CENPK: variants seen among roughly 807,000 people sequenced by gnomAD.
The protein encoded by CENPK is SoxLZ/Sox6-binding protein Solt.
Under a neutral mutation model 40.9 loss-of-function variants are expected in CENPK, and 46 were observed. That is an observed-to-expected ratio of 1.13 (90% CI 0.89 to 1.44). The LOEUF (loss-of-function observed/expected upper bound fraction) is 1.44. CENPK is among the 40% of genes most tolerant of loss of function. CENPK has a pLI of 0.00. For synonymous variants in CENPK, 107 were observed against 104.4 expected, an observed-to-expected ratio of 1.02 and a Z score of -0.15; for missense variants, 288 against 303.5, an observed-to-expected ratio of 0.95 and a Z score of 0.38.
At chr5:65,559,858 A>T (rs1030497597) in intron 2 of CENPK, among the ~76,000 whole-genome samples, 1 of 152,076 alleles carries the variant, frequency 6.6e-6, no homozygotes, top group African/African-American at 2.4e-5. Flanking sequence ...AAGGCAAATC[A>T]AGGAGAAAAA....
chr5:65,551,751 C>A, intron 4 of CENPK, 115 bp from the exon 5 acceptor site: 1 of 488,612 alleles, frequency 2.0e-6, no homozygotes, highest in South Asian at 4.8e-5. Context: ...ATCCCTAACT[C>A]TCACGCTGCT....
At chr5:65,531,858 C>T (rs1172449563) in intron 6 of CENPK, among the ~76,000 whole-genome samples, 1 of 151,818 alleles carries the variant, frequency 6.6e-6, no homozygotes, top group Non-Finnish European at 1.5e-5. Context: ...CAGCTTCTAT[C>T]ATAAGAAATA....
At chr5:65,512,975 TTC>T (rs1434439655), downstream of CENPK, among the ~76,000 whole-genome samples, 1 of 152,164 alleles carries the variant, frequency 6.6e-6, no homozygotes, top group African/African-American at 2.4e-5. Context: ...TCTATATATC[TTC>T]TTTTGTGAGG....
At chr5:65,553,161 G>C (rs1315100913) in intron 3 of CENPK, among the ~76,000 whole-genome samples, 9 of 152,022 alleles carry the variant, frequency 5.9e-5, no homozygotes. Context: ...ATAATATAAA[G>C]TACCAAGTAT....
At chr5:65,556,245 G>T (rs770077200) in intron 2 of CENPK, among the ~76,000 whole-genome samples, 3 of 152,326 alleles carry the variant, frequency 2.0e-5, no homozygotes, top group Non-Finnish European at 2.9e-5. Flanking sequence ...GGCCAAGGTC[G>T]TAGGATCACT....
chr5:65,535,661 A>G (rs1746758390), intron 6 of CENPK, among the ~76,000 whole-genome samples: 1 of 152,206 alleles, frequency 6.6e-6, no homozygotes, highest in Admixed American at 6.5e-5. Flanking sequence ...TCTACTGGGA[A>G]AGAACTCTTG....
chr5:65,529,996 G>T (rs1745485622), intron 6 of CENPK, among the ~76,000 whole-genome samples: 1 of 150,748 alleles, frequency 6.6e-6, no homozygotes, highest in African/African-American at 2.4e-5. Flanking sequence ...GTAGAGACGG[G>T]GTTTCACCAT....
At chr5:65,562,968 GAGA>G (rs1437576853) in intron 1 of CENPK, 127 bp downstream of exon 1, 2 of 187,360 alleles carry the variant, frequency 1.1e-5, no homozygotes, top group African/African-American at 2.4e-5. Flanking sequence ...GCGGGAAGCC[GAGA>G]AGAACGGGAC....
intron 2 of CENPK, 120 bp from the exon 3 acceptor site, chr5:65,555,066 G>A (rs1405816157): frequency 2.5e-5 from 14 of 565,784 alleles, no homozygotes; most frequent in African/African-American, 9.7e-5. Flanking sequence ...CCCTCCTACC[G>A]TGAACCTTAT....
intron 5 of CENPK, among the ~76,000 whole-genome samples, chr5:65,549,072 G>A (rs578098843): frequency 6.6e-6 from 1 of 152,204 alleles, no homozygotes; most frequent in East Asian, 1.9e-4. Flanking sequence ...TAAGACTTCA[G>A]TTGAGGTGGC....
intron 6 of CENPK, among the ~76,000 whole-genome samples, chr5:65,539,917 C>T (rs1334574118): frequency 6.6e-6 from 1 of 152,204 alleles, no homozygotes; most frequent in African/African-American, 2.4e-5. Flanking sequence ...AACTGATGAA[C>T]ACAGTCTAAG....
intron 9 of CENPK, 149 bp from the exon 10 acceptor site, chr5:65,521,677 T>C: frequency 4.9e-6 from 3 of 607,698 alleles, no homozygotes; most frequent in South Asian, 4.1e-5. Context: ...CTCGGTTCAC[T>C]GCAACCTCCG....
chr5:65,556,299 C>T (rs1750965354), intron 2 of CENPK, among the ~76,000 whole-genome samples: 1 of 152,006 alleles, frequency 6.6e-6, no homozygotes, highest in African/African-American at 2.4e-5. Context: ...AAGTAAGACC[C>T]CTATCTCTAT....
chr5:65,526,368 T>C (rs899538956), intron 9 of CENPK, among the ~76,000 whole-genome samples: 1 of 151,990 alleles, frequency 6.6e-6, no homozygotes, highest in African/African-American at 2.4e-5. Context: ...TAAAAAACAA[T>C]AATAGAATGG....
At chr5:65,527,533 A>C (rs1436164077) in intron 9 of CENPK, among the ~76,000 whole-genome samples, 1 of 76,312 alleles carries the variant, frequency 1.3e-5, no homozygotes, top group Non-Finnish European at 3.1e-5. Context: ...ATATATATAT[A>C]TATATATATA....
intron 6 of CENPK, among the ~76,000 whole-genome samples, chr5:65,531,533 C>T (rs1745841512): frequency 1.4e-5 from 2 of 146,488 alleles, no homozygotes; most frequent in Admixed American, 1.4e-4. Context: ...GAGACGGAAT[C>T]TCGCTCTGTC....
chr5:65,511,629 C>A, the CENPK span, among the ~76,000 whole-genome samples: 1 of 152,226 alleles, frequency 6.6e-6, no homozygotes. Context: ...AGGTGAGCAG[C>A]AGGTGAGTGA....
intron 2 of CENPK, among the ~76,000 whole-genome samples, chr5:65,556,545 T>C (rs1164218206): frequency 1.3e-5 from 2 of 152,192 alleles, no homozygotes; most frequent in Non-Finnish European, 1.5e-5. Flanking sequence ...TTTTAAGCTG[T>C]TTTTATGAAA....
chr5:65,560,888 G>A (rs1751846053), intron 2 of CENPK: 1 of 151,992 alleles, frequency 6.6e-6, no homozygotes, highest in Non-Finnish European at 1.5e-5. Context: ...ATACAATTAT[G>A]TTTACTGGCA....
Sources: gnomAD v4.1 joint callset for allele counts (sites outside exome capture counted in the v4.1 genomes callset) on GRCh38, gnomAD v4.1.1 for gene constraint, MANE v1.5 for transcripts, NCBI Gene and HGNC (gene_info 2026-07-23, HGNC 2026-07-21) for gene names.